The following LGSN variants were observed in gnomAD, a reference collection of about 807,000 sequenced individuals.
LGSN encodes the protein lengsin, lens protein with glutamine synthetase domain.
Under a neutral mutation model 19.5 loss-of-function variants are expected in LGSN, and 21 were observed. That is an observed-to-expected ratio of 1.07 (90% CI 0.76 to 1.55). LGSN has a LOEUF of 1.55. Ranked by LOEUF, LGSN falls within the 40% of genes most tolerant of loss-of-function variation. LGSN has a pLI of 0.00. For missense variants in LGSN, 673 were observed against 608.5 expected, an observed-to-expected ratio of 1.11 and a Z score of -1.12; for synonymous variants, 257 against 215.6, an observed-to-expected ratio of 1.19 and a Z score of -1.68.
the LGSN span, among the ~76,000 whole-genome samples, chr6:63,418,414 A>G: frequency 6.6e-6 from 1 of 152,104 alleles, no homozygotes; most frequent in Non-Finnish European, 1.5e-5. Flanking sequence ...TACAAAAATT[A>G]GCTGAGCGTG....
At chr6:63,302,066 A>G (rs1030578347) in intron 1 of LGSN, among the ~76,000 whole-genome samples, 2 of 152,150 alleles carry the variant, frequency 1.3e-5, no homozygotes, top group Non-Finnish European at 2.9e-5. Context: ...CAAAAAAGAG[A>G]CAATAAATAG....
the LGSN span, chr6:63,571,643 T>C: frequency 1.3e-5 from 2 of 152,240 alleles, no homozygotes; most frequent in African/African-American, 4.8e-5. Context: ...TCCTAACCTT[T>C]CATTATCTGA....
At chr6:63,549,297 C>T in the LGSN span, 1 of 753,876 alleles carries the variant, frequency 1.3e-6, no homozygotes. Flanking sequence ...CAGCCACTTA[C>T]AGAGGATGGC....
the LGSN span, among the ~76,000 whole-genome samples, chr6:63,348,997 G>A: frequency 3.9e-5 from 6 of 152,242 alleles, no homozygotes; most frequent in South Asian, 6.2e-4. Context: ...TCAAGCAATC[G>A]AGAATTGTTC....
the LGSN span, among the ~76,000 whole-genome samples, chr6:63,477,466 A>G: frequency 1.3e-5 from 2 of 152,194 alleles, no homozygotes; most frequent in African/African-American, 4.8e-5. Context: ...CTCGTGGCTA[A>G]TAAAGCATTT....
chr6:63,403,593 A>G, the LGSN span, among the ~76,000 whole-genome samples: 1 of 152,184 alleles, frequency 6.6e-6, no homozygotes, highest in Admixed American at 6.6e-5. Context: ...ACCAAAAAAT[A>G]GTTTCGGGGG....
chr6:63,537,500 A>G, the LGSN span, among the ~76,000 whole-genome samples: 3 of 152,242 alleles, frequency 2.0e-5, no homozygotes, highest in African/African-American at 7.2e-5. Context: ...CAACGCTCCC[A>G]GTAGAGAACC....
At chr6:63,519,069 C>T in the LGSN span, among the ~76,000 whole-genome samples, 4 of 152,300 alleles carry the variant, frequency 2.6e-5, no homozygotes, top group Admixed American at 1.3e-4. Context: ...AATCCCAACA[C>T]TTTGAGAGGC....
At chr6:63,527,945 G>C in the LGSN span, 2 of 152,312 alleles carry the variant, frequency 1.3e-5, no homozygotes, top group South Asian at 4.1e-4. Flanking sequence ...ATTTCTGTTG[G>C]ATTTAGAAAA....
chr6:63,477,442 C>G, the LGSN span, among the ~76,000 whole-genome samples: 1 of 152,030 alleles, frequency 6.6e-6, no homozygotes, highest in African/African-American at 2.4e-5. Context: ...GATGAAATTG[C>G]TGTATCTTCT....
At chr6:63,453,707 G>C in the LGSN span, among the ~76,000 whole-genome samples, 2 of 152,012 alleles carry the variant, frequency 1.3e-5, no homozygotes, top group African/African-American at 4.8e-5. Context: ...AGGCTGGAGT[G>C]CAGTGGCGGG....
the LGSN span, among the ~76,000 whole-genome samples, chr6:63,422,484 T>G: frequency 1.3e-5 from 2 of 152,212 alleles, no homozygotes; most frequent in Non-Finnish European, 2.9e-5. Context: ...ATGAAAACTC[T>G]GTGCTTTCTG....
the LGSN span, among the ~76,000 whole-genome samples, chr6:63,565,448 A>C: frequency 6.7e-6 from 1 of 149,674 alleles, no homozygotes; most frequent in African/African-American, 2.5e-5. Flanking sequence ...AATAGACTTT[A>C]AAAAAAAAAG....
At chr6:63,442,339 A>T in the LGSN span, among the ~76,000 whole-genome samples, 4 of 152,298 alleles carry the variant, frequency 2.6e-5, no homozygotes, top group African/African-American at 9.6e-5. Context: ...AGGGGACCTG[A>T]CCGGGTTGCT....
At chr6:63,357,979 G>A in the LGSN span, among the ~76,000 whole-genome samples, 1 of 152,110 alleles carries the variant, frequency 6.6e-6, no homozygotes. Context: ...TAACATTTAA[G>A]TCTTTAATCC....
chr6:63,567,615 G>C, the LGSN span, among the ~76,000 whole-genome samples: 3 of 152,176 alleles, frequency 2.0e-5, no homozygotes, highest in Admixed American at 2.0e-4. Context: ...AAGGGTCCTA[G>C]GATTTTCAGA....
chr6:63,480,483 G>C, the LGSN span: 1 of 158,820 alleles, frequency 6.3e-6, no homozygotes, highest in African/African-American at 2.4e-5. Flanking sequence ...GAATCAAAAA[G>C]GCAAAGGGAA....
At chr6:63,318,324 T>C (rs1490330644) in intron 1 of LGSN, among the ~76,000 whole-genome samples, 1 of 152,210 alleles carries the variant, frequency 6.6e-6, no homozygotes, top group Non-Finnish European at 1.5e-5. Flanking sequence ...TTCATGCTGC[T>C]CTTGCTCACA....
the LGSN span, among the ~76,000 whole-genome samples, chr6:63,459,624 G>T: frequency 1.3e-5 from 2 of 151,568 alleles, no homozygotes; most frequent in Non-Finnish European, 2.9e-5. Flanking sequence ...ATGTTTTGAA[G>T]TAGAACTTCC....
Sources: gnomAD v4.1 joint callset for allele counts (sites outside exome capture counted in the v4.1 genomes callset) on GRCh38, gnomAD v4.1.1 for gene constraint, MANE v1.5 for transcripts, NCBI Gene and HGNC (gene_info 2026-07-23, HGNC 2026-07-21) for gene names.